The following RCOR1 variants were observed in gnomAD, a reference collection of about 807,000 sequenced individuals.
RCOR1 encodes the protein REST corepressor 1.
In RCOR1, 12 loss-of-function variants were observed where a neutral mutation model predicts 64.0. That is an observed-to-expected ratio of 0.19 (90% CI 0.12 to 0.30). The LOEUF (loss-of-function observed/expected upper bound fraction) is 0.30, where lower values mean the gene tolerates loss of function less well. RCOR1 is among the 10% of genes least tolerant of loss of function. The probability of loss-of-function intolerance (pLI) is 1.00; values close to 1 mark genes in which losing one functional copy is unlikely to be tolerated. For missense variants in RCOR1, 502 were observed against 621.2 expected, an observed-to-expected ratio of 0.81 and a Z score of 2.04; for synonymous variants, 279 against 227.2, an observed-to-expected ratio of 1.23 and a Z score of -2.05.
At chr14:102,661,737 A>G (rs1894827358) in intron 2 of RCOR1, among the ~76,000 whole-genome samples, 1 of 152,094 alleles carries the variant, frequency 6.6e-6, no homozygotes, top group South Asian at 2.1e-4. Flanking sequence ...GCTTATGGAA[A>G]CATAATTTGA....
rs900470892 is a variant in RCOR1 at position 102,659,680 on chromosome 14, G to A, written c.362-22215G>A. On this transcript the variant is annotated intron_variant, in intron 2 of 11. Transcript: ENST00000262241. ...GTTTCTAGAGTTGCTTGAATTTGGG[G>A]TGACTTCTTGCAAGGGTAATGTGAA... Among the ~76,000 whole-genome samples, 4 of 152,300 alleles carry A rather than the reference G, an allele frequency of 2.6e-5. 1 individual carries two copies. The highest frequency in any genetic ancestry group is 2.6e-4 in the Admixed American group (4 of 15,290).
chr14:102,594,880 T>G (rs1893211062), intron 2 of RCOR1, among the ~76,000 whole-genome samples: 1 of 152,362 alleles, frequency 6.6e-6, no homozygotes, highest in South Asian at 2.1e-4. Context: ...CAAATTTTCC[T>G]AATGTATTAT....
intron 2 of RCOR1, among the ~76,000 whole-genome samples, chr14:102,653,923 CTTTCTTTCTTTCTTTCTTTCTT>C (rs1894648277): frequency 5.8e-5 from 1 of 17,218 alleles, no homozygotes; most frequent in Non-Finnish European, 1.1e-4. Flanking sequence ...GTATTTCCTT[CTTTCTTTCTTTCTTTCTTTCTT>C]TCTTTCTTTC....
At chr14:102,629,945 A>G (rs544622022) in intron 2 of RCOR1, 2 of 946,084 alleles carry the variant, frequency 2.1e-6, no homozygotes, top group South Asian at 4.9e-5. Context: ...CTTGACTATT[A>G]TTACATTATA....
At chr14:102,669,738 G>C (rs191863603) in intron 2 of RCOR1, among the ~76,000 whole-genome samples, 10 of 152,276 alleles carry the variant, frequency 6.6e-5, no homozygotes, top group African/African-American at 1.9e-4. Flanking sequence ...CTAGCACATA[G>C]TAAGCATTTA....
Position 102,592,810 on chromosome 14 carries a change from C to T in RCOR1, c.-77C>T. ...CGCCCGGCCCCGCGCCGGCCCCGCGCCCCCTCCCCCGTCTCGGCGCCCCCT... is the reference window on the plus strand; with the variant it reads ...CGCCCGGCCCCGCGCCGGCCCCGCGTCCCCTCCCCCGTCTCGGCGCCCCCT... On this transcript the variant is annotated 5_prime_UTR_variant, in exon 1 of 12. Transcript: ENST00000262241. The T allele has an allele frequency of 8.5e-7, 1 of 1,178,370 alleles. No homozygotes were observed. The highest frequency in any genetic ancestry group is 4.2e-5 in the South Asian group (1 of 23,856). 73.0% of individuals were successfully genotyped at this position (1,178,370 alleles called of 1,614,324 possible).
chr14:102,661,767 T>A (rs1894827950), intron 2 of RCOR1, among the ~76,000 whole-genome samples: 1 of 152,152 alleles, frequency 6.6e-6, no homozygotes, highest in Non-Finnish European at 1.5e-5. Flanking sequence ...GAGTTTTTGT[T>A]TGTTTTTGAG....
chr14:102,700,583 A>T (rs890708735), intron 3 of RCOR1, among the ~76,000 whole-genome samples: 1 of 152,180 alleles, frequency 6.6e-6, no homozygotes, highest in Non-Finnish European at 1.5e-5. Context: ...TATCCAGGCT[A>T]ATCTAGAACT....
intron 8 of RCOR1, among the ~76,000 whole-genome samples, chr14:102,717,742 G>A (rs1408405806): frequency 6.6e-6 from 1 of 152,088 alleles, no homozygotes; most frequent in Non-Finnish European, 1.5e-5. Context: ...GCACCGAGGT[G>A]TTATTGACTC....
At chr14:102,629,450 C>T (rs529429077) in intron 2 of RCOR1, among the ~76,000 whole-genome samples, 3 of 151,866 alleles carry the variant, frequency 2.0e-5, no homozygotes, top group Non-Finnish European at 4.4e-5. Flanking sequence ...CCTCCCCCCC[C>T]CCCACCACTG....
chr14:102,598,130 T>A (rs1470179852), intron 2 of RCOR1, among the ~76,000 whole-genome samples: 2 of 151,844 alleles, frequency 1.3e-5, no homozygotes, highest in African/African-American at 4.8e-5. Flanking sequence ...CTAATTTTGG[T>A]ATTTTTGGTA....
chr14:102,593,116 C>T lies in RCOR1; in HGVS notation c.230C>T (p.Ala77Val). The T allele has an allele frequency of 6.6e-7, 1 of 1,508,304 alleles. No homozygotes were observed. The highest frequency in any genetic ancestry group is 8.8e-7 in the Non-Finnish European group (1 of 1,132,990). 93.4% of individuals were successfully genotyped at this position (1,508,304 alleles called of 1,614,324 possible). ...CAGAATAAAAGTTTGGCGGCGGCGGCGCCCAATGGCAACAGCAGCAGCAAC... is the reference window on the plus strand; with the variant it reads ...CAGAATAAAAGTTTGGCGGCGGCGGTGCCCAATGGCAACAGCAGCAGCAAC... The part of the protein sequence containing the change: ...NGQNKSLAAA[A>V]PNGNSSSNSW... Residue 77 changes from alanine to valine, a missense_variant, in exon 1 of 12, where the codon GCG becomes GTG. Physicochemically the swap from Ala to Val is moderately conservative, Grantham distance 64 (BLOSUM62 0). Coordinates refer to ENST00000262241, the MANE Select transcript of RCOR1 (RefSeq NM_015156.4).
At chr14:102,723,155 G>T (rs1318524619) in intron 11 of RCOR1, among the ~76,000 whole-genome samples, 1 of 152,210 alleles carries the variant, frequency 6.6e-6, no homozygotes, top group Non-Finnish European at 1.5e-5. Context: ...ATCTGAATTT[G>T]TTCACAGGCA....
intron 2 of RCOR1, among the ~76,000 whole-genome samples, chr14:102,677,658 G>T (rs1353399629): frequency 7.4e-6 from 1 of 135,974 alleles, no homozygotes; most frequent in East Asian, 2.3e-4. Flanking sequence ...CGGGGAAGAG[G>T]CGCTCCTCGC....
At chr14:102,652,990 T>C (rs1001882912) in intron 2 of RCOR1, among the ~76,000 whole-genome samples, 1 of 152,180 alleles carries the variant, frequency 6.6e-6, no homozygotes, top group Admixed American at 6.5e-5. Flanking sequence ...TGGAGTGCAG[T>C]GACGTGATCT....
chr14:102,697,627 A>G lies in RCOR1; in HGVS notation c.446-3651A>G, dbSNP rs1007353038. 7.3e-5 allele frequency among the ~76,000 whole-genome samples: 11 copies of G among 151,422 alleles called. No individual in the cohort carries two copies. The South Asian group carries it at 8.3e-4, about 11-fold the overall frequency. On this transcript the variant is annotated intron_variant, in intron 3 of 11. Transcript: ENST00000262241. ...CTTCATCACAACCTTCCGAGCACCT[A>G]GTAGACACACCATGTGTCTTCATTT...
chr14:102,650,535 G>T (rs567072718), intron 2 of RCOR1, among the ~76,000 whole-genome samples: 1 of 152,248 alleles, frequency 6.6e-6, no homozygotes, highest in South Asian at 2.1e-4. Flanking sequence ...TACAAACCTC[G>T]CCACATCCAC....
chr14:102,719,156 C>T (rs552656585), intron 8 of RCOR1, among the ~76,000 whole-genome samples: 11 of 152,082 alleles, frequency 7.2e-5, no homozygotes, highest in African/African-American at 2.2e-4. Context: ...GATCTCGGCT[C>T]ACTGCAACCC....
chr14:102,645,965 C>T (rs1177380261), intron 2 of RCOR1, among the ~76,000 whole-genome samples: 1 of 151,512 alleles, frequency 6.6e-6, no homozygotes, highest in Non-Finnish European at 1.5e-5. Context: ...AATGTATGTC[C>T]TGTGGGAGGA....
Sources: allele counts gnomAD v4.1 joint callset (sites outside exome capture counted in the v4.1 genomes callset), GRCh38; gene constraint gnomAD v4.1.1; transcripts MANE v1.5; gene names NCBI Gene and HGNC (gene_info 2026-07-23, HGNC 2026-07-21).